Variants in AKAP19 observed in about 807,000 individuals in gnomAD.
The protein encoded by AKAP19 is A-kinase anchoring protein 19.
the AKAP19 span, among the ~76,000 whole-genome samples, chr2:189,942,469 G>A: frequency 2.0e-5 from 3 of 152,074 alleles, no homozygotes; most frequent in Non-Finnish European, 4.4e-5. Flanking sequence ...TTTCTTTATA[G>A]CAGAACAGCC....
the AKAP19 span, chr2:189,879,562 A>G: frequency 6.6e-6 from 1 of 152,364 alleles, no homozygotes; most frequent in Non-Finnish European, 1.5e-5. Context: ...GAAGCCCGGC[A>G]ATCTTCCGCA....
chr2:189,969,127 T>G, the AKAP19 span, among the ~76,000 whole-genome samples: 5,209 of 152,222 alleles, frequency 0.034, 279 homozygotes, highest in African/African-American at 0.11. Context: ...CAGATCCAAC[T>G]ATGATCTAAG....
At chr2:189,954,181 A>G in the AKAP19 span, among the ~76,000 whole-genome samples, 1 of 152,252 alleles carries the variant, frequency 6.6e-6, no homozygotes, top group Non-Finnish European at 1.5e-5. Context: ...CTGTTGGTAT[A>G]AACAAGTGGC....
the AKAP19 span, among the ~76,000 whole-genome samples, chr2:190,001,458 CT>C: frequency 6.6e-6 from 1 of 152,054 alleles, no homozygotes; most frequent in African/African-American, 2.4e-5. Flanking sequence ...GTTGTTTTTT[CT>C]GGGTGTGTGT....
the AKAP19 span, among the ~76,000 whole-genome samples, chr2:190,149,257 C>T: frequency 6.6e-6 from 1 of 152,116 alleles, no homozygotes; most frequent in African/African-American, 2.4e-5. Context: ...GCCACTACGC[C>T]CATTATTTTT....
At chr2:190,002,857 T>TTAGACG in the AKAP19 span, among the ~76,000 whole-genome samples, 5 of 152,214 alleles carry the variant, frequency 3.3e-5, no homozygotes, top group African/African-American at 1.2e-4. Context: ...CTTAGATTTC[T>TTAGACG]TGTAAATGTC....
At chr2:189,943,573 G>A in the AKAP19 span, among the ~76,000 whole-genome samples, 1 of 152,336 alleles carries the variant, frequency 6.6e-6, no homozygotes, top group East Asian at 1.9e-4. Flanking sequence ...ACACTGCCCA[G>A]TGATGCTGTG....
chr2:190,170,844 T>G, the AKAP19 span, among the ~76,000 whole-genome samples: 1 of 152,188 alleles, frequency 6.6e-6, no homozygotes, highest in Non-Finnish European at 1.5e-5. Context: ...TCAGGCTGGT[T>G]GGGAGTCTGG....
At chr2:190,029,193 C>T in the AKAP19 span, among the ~76,000 whole-genome samples, 1 of 152,136 alleles carries the variant, frequency 6.6e-6, no homozygotes, top group South Asian at 2.1e-4. Flanking sequence ...GCTGGGATTA[C>T]AGGCATGCAC....
the AKAP19 span, among the ~76,000 whole-genome samples, chr2:189,933,276 G>A: frequency 4.6e-5 from 7 of 152,306 alleles, no homozygotes; most frequent in East Asian, 1.4e-3. Flanking sequence ...TTGGGAGGGA[G>A]ATGTGAGAGT....
chr2:190,130,188 C>T, the AKAP19 span, among the ~76,000 whole-genome samples: 1 of 152,144 alleles, frequency 6.6e-6, no homozygotes, highest in African/African-American at 2.4e-5. Context: ...AGCTATTTTT[C>T]TCACCCATCT....
chr2:189,943,747 C>T, the AKAP19 span, among the ~76,000 whole-genome samples: 2 of 152,212 alleles, frequency 1.3e-5, no homozygotes, highest in Non-Finnish European at 2.9e-5. Context: ...CCTTTGGAGC[C>T]CACCCCTTGC....
the AKAP19 span, among the ~76,000 whole-genome samples, chr2:190,068,735 G>C: frequency 6.6e-6 from 1 of 152,152 alleles, no homozygotes; most frequent in African/African-American, 2.4e-5. Flanking sequence ...TGTAGTTAGT[G>C]TATTTATAGA....
chr2:190,089,382 G>A, the AKAP19 span, among the ~76,000 whole-genome samples: 1 of 151,828 alleles, frequency 6.6e-6, no homozygotes, highest in African/African-American at 2.4e-5. Flanking sequence ...ACTGTGATGA[G>A]TAAGTATATT....
At chr2:189,948,594 T>C in the AKAP19 span, among the ~76,000 whole-genome samples, 1 of 152,194 alleles carries the variant, frequency 6.6e-6, no homozygotes, top group Non-Finnish European at 1.5e-5. Flanking sequence ...GGTAGGACCA[T>C]GTCTGTCTAT....
At chr2:189,988,839 T>C in the AKAP19 span, among the ~76,000 whole-genome samples, 23 of 152,364 alleles carry the variant, frequency 1.5e-4, no homozygotes, top group Non-Finnish European at 2.6e-4. Flanking sequence ...TTCTCTCTAT[T>C]GGACAGAAGT....
At chr2:190,020,748 C>T in the AKAP19 span, among the ~76,000 whole-genome samples, 1 of 152,148 alleles carries the variant, frequency 6.6e-6, no homozygotes, top group African/African-American at 2.4e-5. Flanking sequence ...CACTAACTCC[C>T]TATTCCCCCT....
the AKAP19 span, among the ~76,000 whole-genome samples, chr2:189,970,788 T>C: frequency 6.6e-6 from 1 of 152,228 alleles, no homozygotes; most frequent in Non-Finnish European, 1.5e-5. Flanking sequence ...TTTGTAGCAA[T>C]TTCCATTCAT....
the AKAP19 span, among the ~76,000 whole-genome samples, chr2:190,159,698 G>A: frequency 6.6e-6 from 1 of 152,132 alleles, no homozygotes; most frequent in Non-Finnish European, 1.5e-5. Flanking sequence ...CAGTAGCTCT[G>A]TGATCTCTGA....
Sources: gnomAD v4.1 joint callset for allele counts (sites outside exome capture counted in the v4.1 genomes callset) on GRCh38, gnomAD v4.1.1 for gene constraint, MANE v1.5 for transcripts, NCBI Gene and HGNC (gene_info 2026-07-23, HGNC 2026-07-21) for gene names.